The following TNS1 variants were observed in gnomAD, a reference collection of about 807,000 sequenced individuals.
The protein encoded by TNS1 is tensin 1, also known as tensin-1.
Under a neutral mutation model 168.6 loss-of-function variants are expected in TNS1, and 62 were observed. That is an observed-to-expected ratio of 0.37 (90% CI 0.30 to 0.45). TNS1 has a LOEUF of 0.45. Ranked by LOEUF, TNS1 falls within the 20% of genes least tolerant of loss-of-function variation. TNS1 has a pLI of 1.00. For synonymous variants in TNS1, 934 were observed against 933.2 expected, an observed-to-expected ratio of 1.00 and a Z score of -0.02; for missense variants, 2,240 against 2,339.4, an observed-to-expected ratio of 0.96 and a Z score of 0.88.
rs139665137 is a variant in TNS1, at chr2:217,831,481, G to A, written c.3347C>T (p.Ala1116Val). The A allele has an allele frequency of 1.7e-5, 27 of 1,588,878 alleles. No individual in the cohort carries two copies. The highest frequency in any genetic ancestry group is 2.7e-5 in the African/African-American group (2 of 73,364). ...SALGLKPHNPADILLHPTGEP... is the reference protein window; with the variant it reads ...SALGLKPHNPVDILLHPTGEP... ...TCCTGTGGGGTGCAACAGGATGTCC[G>A]CTGGGTTGTGAGGTTTCAGGCCCAG... Residue 1116 changes from alanine to valine, a missense_variant, in exon 22 of 33, where the codon GCG becomes GTG. By Grantham distance (64) the Ala-to-Val change is moderately conservative. Transcript: ENST00000682258.
intron 1 of TNS1, among the ~76,000 whole-genome samples, chr2:218,029,984 G>A (rs886453148): frequency 1.1e-4 from 16 of 152,174 alleles, no homozygotes; most frequent in South Asian, 4.1e-4. Flanking sequence ...CCTGCTCCTC[G>A]TCCACATCCA....
At chr2:217,977,962 G>A (rs1957936373) in intron 3 of TNS1, among the ~76,000 whole-genome samples, 1 of 152,160 alleles carries the variant, frequency 6.6e-6, no homozygotes. Context: ...CCACCCCTAG[G>A]CAGAGCTGAG....
In TNS1 at chr2:217,817,742, G is replaced by T; in HGVS notation, c.4590C>A (p.Ser1530Arg). The T allele has an allele frequency of 6.2e-7, 1 of 1,612,388 alleles. No homozygotes were observed. The highest frequency in any genetic ancestry group is 8.5e-7 in the Non-Finnish European group (1 of 1,178,730). ...ASGMSSPSGG[S>R]TVSFSHTLPD... is the part of the protein sequence containing the mutation. ...GCAGAGTGTGGGAGAAGGAGACGGT[G>T]CTGCCCCCACTGGGACTGGACATGC... Residue 1530 changes from serine to arginine, a missense_variant, in exon 24 of 33, where the codon AGC becomes AGA. Coordinates refer to ENST00000682258, the MANE Select transcript of TNS1 (RefSeq NM_001387777.1).
At chr2:217,810,104 C>G in intron 29 of TNS1, 113 bp from the exon 30 acceptor site, 1 of 1,449,636 alleles carries the variant, frequency 6.9e-7, no homozygotes, top group East Asian at 2.3e-5. Flanking sequence ...TAGCCTTGAG[C>G]CAAGGCATCT....
At chr2:218,004,553 G>GA (rs1331308668), upstream of TNS1, among the ~76,000 whole-genome samples, 2 of 152,086 alleles carry the variant, frequency 1.3e-5, no homozygotes, top group African/African-American at 4.8e-5. Context: ...CTCTTCATCT[G>GA]AAAAAAAGAC....
chr2:218,002,232 G>C (rs1030554782), intron 1 of TNS1, among the ~76,000 whole-genome samples: 1 of 152,188 alleles, frequency 6.6e-6, no homozygotes, highest in African/African-American at 2.4e-5. Context: ...GAGAAAGGGG[G>C]AAGAGCGGGC....
Position 217,818,286 on chromosome 2 carries a change from C to G in TNS1, c.4046G>C (p.Ser1349Thr). The G allele has an allele frequency of 6.2e-7, 1 of 1,613,476 alleles. No homozygotes were observed. The highest frequency in any genetic ancestry group is 8.5e-7 in the Non-Finnish European group (1 of 1,179,698). ...GACCCCTGCTGGGTGCCGACACAGGCTGGGGCTCCCCGGGGTGGTCGCTGC... is the reference window on the plus strand; with the variant it reads ...GACCCCTGCTGGGTGCCGACACAGGGTGGGGCTCCCCGGGGTGGTCGCTGC... ...SSAATTPGSP[S>T]LCRHPAGVYQ... Residue 1349 changes from serine (S) to threonine (T), a missense_variant, in exon 24 of 33, where the codon AGC becomes ACC. This residue lies in a region of TNS1 where 2,131 missense variants were observed against 2,171.2 expected (regional missense o/e 0.98). Transcript: ENST00000682258.
At chr2:217,996,300 T>A (rs1958469113) in intron 1 of TNS1, among the ~76,000 whole-genome samples, 1 of 152,194 alleles carries the variant, frequency 6.6e-6, no homozygotes, top group Admixed American at 6.5e-5. Flanking sequence ...GGTCAACTCC[T>A]GTCGCACTCA....
chr2:217,847,261 G>A (rs537402166), intron 19 of TNS1, among the ~76,000 whole-genome samples: 7 of 152,296 alleles, frequency 4.6e-5, no homozygotes, highest in East Asian at 1.9e-4. Context: ...GTATCTGTCC[G>A]CTCACTAGAC....
intron 3 of TNS1, among the ~76,000 whole-genome samples, chr2:217,962,953 G>A (rs557605108): frequency 1.8e-4 from 28 of 152,330 alleles, no homozygotes; most frequent in African/African-American, 5.3e-4. Flanking sequence ...TTTGATAACC[G>A]TGCATGGTTA....
chr2:217,994,203 C>T (rs1056176653), intron 1 of TNS1, among the ~76,000 whole-genome samples: 1 of 152,146 alleles, frequency 6.6e-6, no homozygotes, highest in Non-Finnish European at 1.5e-5. Flanking sequence ...CAAGAAGGGG[C>T]AGGTAAGTCT....
At chr2:217,865,593 C>T (rs1410266379) in intron 18 of TNS1, among the ~76,000 whole-genome samples, 5 of 152,110 alleles carry the variant, frequency 3.3e-5, no homozygotes, top group Non-Finnish European at 5.9e-5. Context: ...AGGCATAAGT[C>T]CCAGATAAGC....
chr2:217,838,234 A>G (rs1945437927), intron 19 of TNS1, among the ~76,000 whole-genome samples: 1 of 152,218 alleles, frequency 6.6e-6, no homozygotes, highest in Non-Finnish European at 1.5e-5. Context: ...GACGTTTGCC[A>G]TTAAAAAATA....
chr2:217,947,780 A>G (rs1957146884), intron 3 of TNS1, among the ~76,000 whole-genome samples: 1 of 152,162 alleles, frequency 6.6e-6, no homozygotes, highest in Non-Finnish European at 1.5e-5. Context: ...AGCCCCACCC[A>G]GGGCCCCTCA....
Position 217,986,963 on chromosome 2 carries a change from T to A in TNS1, c.148+3979A>T, listed in dbSNP as rs944121406. 3.3e-5 allele frequency: 5 copies of A among 152,230 alleles called. No individual in the cohort carries two copies. The highest frequency in any genetic ancestry group is 7.3e-5 in the Non-Finnish European group (5 of 68,068). The allele number at this position is 152,230 out of a possible 1,614,324, so 9.4% of individuals were successfully genotyped here. On this transcript the variant is annotated intron_variant, in intron 2 of 32. Transcript: ENST00000682258. This position sits in a 1 kb window ranked among gnomAD's most constrained non-coding sequence, Gnocchi z 4.7. ...GCAGCAGCCTGCGTGGGGGAAGCTATCCTACCTCTGCAGACTCCAACCAGG... is the reference window on the plus strand; with the variant it reads ...GCAGCAGCCTGCGTGGGGGAAGCTAACCTACCTCTGCAGACTCCAACCAGG...
chr2:217,822,781 C>A (rs1419177584), intron 22 of TNS1, among the ~76,000 whole-genome samples: 2 of 152,178 alleles, frequency 1.3e-5, no homozygotes, highest in Non-Finnish European at 2.9e-5. Flanking sequence ...CCAGATGGCC[C>A]GACTCCCAGA....
chr2:217,812,758 T>A (rs1456883687), intron 27 of TNS1, among the ~76,000 whole-genome samples: 1 of 152,178 alleles, frequency 6.6e-6, no homozygotes, highest in Non-Finnish European at 1.5e-5. Context: ...CAGAGAATTG[T>A]GGGATCCAAT....
upstream of TNS1, among the ~76,000 whole-genome samples, chr2:218,015,030 A>G (rs79091181): frequency 0.019 from 2,844 of 152,160 alleles, 81 homozygotes; most frequent in African/African-American, 0.064. Context: ...TGCCATTTTC[A>G]GGGTTTTGCT....
At chr2:217,896,241 C>T (rs1013278763) in intron 8 of TNS1, among the ~76,000 whole-genome samples, 4 of 152,210 alleles carry the variant, frequency 2.6e-5, no homozygotes. Context: ...AACAATGCCC[C>T]AATGCAGCTA....
Sources: allele counts gnomAD v4.1 joint callset (sites outside exome capture counted in the v4.1 genomes callset), GRCh38; gene constraint gnomAD v4.1.1; regional missense constraint gnomAD v4.1.1; non-coding constraint Gnocchi (gnomAD v3.1); transcripts MANE v1.5; gene names NCBI Gene and HGNC (gene_info 2026-07-23, HGNC 2026-07-21).